Variants in TP73 observed in about 807,000 individuals in gnomAD.
The protein encoded by TP73 is tumor protein p73, also known as p53-like transcription factor.
In TP73, 25 loss-of-function variants were observed where a neutral mutation model predicts 62.5. That is an observed-to-expected ratio of 0.40 (90% CI 0.29 to 0.56). The LOEUF is 0.56. Among genes scored for constraint, TP73 ranks in the 20% least tolerant of loss-of-function variants. The pLI is 0.46. For missense variants in TP73, 754 were observed against 913.3 expected, an observed-to-expected ratio of 0.83 and a Z score of 2.25; for synonymous variants, 423 against 377.5, an observed-to-expected ratio of 1.12 and a Z score of -1.40.
intron 7 of TP73, 88 bp downstream of exon 7, chr1:3,727,312 G>T (rs1048959520): frequency 4.4e-5 from 57 of 1,295,116 alleles, no homozygotes; most frequent in Non-Finnish European, 5.6e-5. Context: ...AGACCTGCAG[G>T]CCAAGGCTAG....
In TP73 at chr1:3,663,847, T is replaced by C. The variant is rs1026241947; in HGVS notation, c.-34+11206T>C. On this transcript the variant is annotated intron_variant, in intron 1 of 13. Transcript: ENST00000378295. This position sits in a 1 kb window ranked among gnomAD's most constrained non-coding sequence, Gnocchi z 4.7. ...AGAGGAAGGCCAGAGAACTCTTTTA[T>C]GGCCTGCCTCAGGGTGACAGGGAGC... Among the ~76,000 whole-genome samples the C allele has an allele frequency of 2.6e-5, 4 of 152,226 alleles. No homozygotes were observed. The highest frequency in any genetic ancestry group is 5.9e-5 in the Non-Finnish European group (4 of 68,036).
At chr1:3,674,071 C>T (rs575579467) in intron 1 of TP73, among the ~76,000 whole-genome samples, 2 of 152,290 alleles carry the variant, frequency 1.3e-5, no homozygotes, top group Admixed American at 1.3e-4. Context: ...ACTGGGCCGT[C>T]GTGGGGTGGC....
At chr1:3,692,943 G>A (rs534805089) in intron 3 of TP73, among the ~76,000 whole-genome samples, 163 of 152,338 alleles carry the variant, frequency 1.1e-3, no homozygotes, top group Non-Finnish European at 1.6e-3. Context: ...CTGGGCGTCA[G>A]CAATGGCCAG....
chr1:3,727,426 C>T lies in TP73; in HGVS notation c.842+202C>T, dbSNP rs1020495825. ...TGGGCCTCCGGAGGGAGGTGGGAGT[C>T]CCCGGCGAGGTCTCAGGGCAGCCTC... On this transcript the variant is annotated intron_variant, in intron 7 of 13. Transcript: ENST00000378295. 41 of 947,448 alleles carry T rather than the reference C, an allele frequency of 4.3e-5. No individual in the cohort carries two copies. The Middle Eastern group carries it at 1.0e-3, about 23-fold the overall frequency. The allele number at this position is 947,448 out of a possible 1,614,324, so 58.7% of individuals were successfully genotyped here.
At chr1:3,727,920 C>A in intron 8 of TP73, 150 bp downstream of exon 8, 2 of 1,314,408 alleles carry the variant, frequency 1.5e-6, no homozygotes, top group Non-Finnish European at 2.0e-6. Context: ...CTGAGAGCAG[C>A]CCCCATATAA....
At chr1:3,682,533 G>A (rs1046819126) in intron 2 of TP73, 103 bp downstream of exon 2, 6 of 1,153,524 alleles carry the variant, frequency 5.2e-6, no homozygotes, top group Non-Finnish European at 5.8e-6. Context: ...CAGGAGGGGT[G>A]GCCCCGGGAG....
intron 7 of TP73, 72 bp downstream of exon 7, chr1:3,727,296 T>C: frequency 7.0e-7 from 1 of 1,429,954 alleles, no homozygotes. Flanking sequence ...AGGGGAGCTG[T>C]CATGGAGACC....
intron 6 of TP73, among the ~76,000 whole-genome samples, chr1:3,723,927 G>T (rs116253066): frequency 2.6e-3 from 401 of 152,284 alleles, no homozygotes; most frequent in African/African-American, 8.6e-3. Context: ...AGGGATGGTG[G>T]AAAGACTCCT....
chr1:3,658,360 A>G (rs1245729033), intron 1 of TP73, among the ~76,000 whole-genome samples: 2 of 152,238 alleles, frequency 1.3e-5, no homozygotes, highest in Admixed American at 6.5e-5. Flanking sequence ...AACAGTTTTA[A>G]GGCTGTGCCC....
intron 1 of TP73, among the ~76,000 whole-genome samples, chr1:3,658,522 G>A (rs1329643821): frequency 1.4e-5 from 2 of 141,064 alleles, no homozygotes; most frequent in Admixed American, 7.2e-5. Flanking sequence ...GAAACGTCTG[G>A]GCATAAAGGC....
At chr1:3,676,826 C>T (rs367971440) in intron 1 of TP73, among the ~76,000 whole-genome samples, 8 of 151,856 alleles carry the variant, frequency 5.3e-5, no homozygotes, top group East Asian at 1.9e-4. Context: ...TGGCACAGCA[C>T]CCCCTCTCCG....
intron 4 of TP73, among the ~76,000 whole-genome samples, chr1:3,721,409 T>C (rs549765811): frequency 3.9e-5 from 6 of 152,310 alleles, no homozygotes; most frequent in African/African-American, 1.4e-4. Context: ...TGCTCAGACT[T>C]GGTGGCCCCA....
At chr1:3,703,410 C>T (rs1007402412) in intron 3 of TP73, among the ~76,000 whole-genome samples, 5 of 152,200 alleles carry the variant, frequency 3.3e-5, no homozygotes, top group African/African-American at 1.2e-4. Flanking sequence ...AGGGAGCCTG[C>T]CTGGGGCCCT....
chr1:3,684,434 A>T (rs891220585), intron 3 of TP73, among the ~76,000 whole-genome samples: 7 of 152,132 alleles, frequency 4.6e-5, no homozygotes, highest in African/African-American at 1.7e-4. Context: ...TCAAGTCCCC[A>T]TTCCAGGAGC....
chr1:3,657,723 C>G (rs1644894196), intron 1 of TP73, among the ~76,000 whole-genome samples: 1 of 152,204 alleles, frequency 6.6e-6, no homozygotes, highest in Non-Finnish European at 1.5e-5. Context: ...ATCTTGGAAC[C>G]CGGACACTGA....
intron 1 of TP73, among the ~76,000 whole-genome samples, chr1:3,654,844 T>C (rs1023674261): frequency 1.3e-5 from 2 of 152,226 alleles, no homozygotes; most frequent in African/African-American, 4.8e-5. Context: ...TAGTATTTAT[T>C]TATAGGGCAT....
At chr1:3,676,143 G>A (rs1205654736) in intron 1 of TP73, among the ~76,000 whole-genome samples, 1 of 150,770 alleles carries the variant, frequency 6.6e-6, no homozygotes, top group Non-Finnish European at 1.5e-5. Flanking sequence ...TGGGGGACAA[G>A]GAGGGGACAG....
intron 3 of TP73, among the ~76,000 whole-genome samples, chr1:3,707,206 G>A (rs532738578): frequency 5.9e-5 from 9 of 152,260 alleles, no homozygotes; most frequent in South Asian, 4.1e-4. Flanking sequence ...GATGCCGCCC[G>A]GAGGGTACAG....
At chr1:3,657,165 G>A (rs1644882839) in intron 1 of TP73, among the ~76,000 whole-genome samples, 2 of 152,246 alleles carry the variant, frequency 1.3e-5, no homozygotes, top group Admixed American at 6.5e-5. Context: ...GGAAACAATA[G>A]AGAGTGTTGT....
Sources: gnomAD v4.1 joint callset for allele counts (sites outside exome capture counted in the v4.1 genomes callset) on GRCh38, gnomAD v4.1.1 for gene constraint, Gnocchi (gnomAD v3.1) non-coding constraint, MANE v1.5 for transcripts, NCBI Gene and HGNC (gene_info 2026-07-23, HGNC 2026-07-21) for gene names.